The following UNC5B variants were observed in gnomAD, a reference collection of about 807,000 sequenced individuals.
UNC5B encodes unc-5 netrin receptor B.
In UNC5B, 56 loss-of-function variants were observed where a neutral mutation model predicts 103.7. That is an observed-to-expected ratio of 0.54 (90% CI 0.44 to 0.67). The LOEUF (loss-of-function observed/expected upper bound fraction) is 0.67. Among genes scored for constraint, UNC5B ranks in the 30% least tolerant of loss-of-function variants. The pLI is 0.00. For missense variants in UNC5B, 1,194 were observed against 1,284.5 expected, an observed-to-expected ratio of 0.93 and a Z score of 1.08; for synonymous variants, 577 against 542.0, an observed-to-expected ratio of 1.06 and a Z score of -0.90.
intron 1 of UNC5B, among the ~76,000 whole-genome samples, chr10:71,271,210 C>T (rs1262144699): frequency 6.6e-6 from 1 of 152,352 alleles, no homozygotes; most frequent in African/African-American, 2.4e-5. Context: ...GTTTTGGTGG[C>T]TGTGACCTCG....
intron 1 of UNC5B, among the ~76,000 whole-genome samples, chr10:71,279,480 TG>T (rs1417177113): frequency 1.3e-5 from 2 of 152,090 alleles, no homozygotes; most frequent in African/African-American, 4.8e-5. Context: ...GCAGACGTTG[TG>T]GGGGGGCCCA....
chr10:71,246,271 AGGAGGCAT>A (rs1844033592), intron 1 of UNC5B, among the ~76,000 whole-genome samples: 1 of 152,124 alleles, frequency 6.6e-6, no homozygotes, highest in South Asian at 2.1e-4. Flanking sequence ...TATGACGCTG[AGGAGGCAT>A]GGAGGTCCCA....
intron 1 of UNC5B, among the ~76,000 whole-genome samples, chr10:71,244,816 C>T (rs562150489): frequency 7.9e-5 from 12 of 152,328 alleles, no homozygotes; most frequent in South Asian, 6.2e-4. Flanking sequence ...AACTGGTTGG[C>T]GGCGGGGGCG....
intron 4 of UNC5B, 75 bp from the exon 5 acceptor site, chr10:71,286,614 G>A: frequency 6.4e-7 from 1 of 1,574,162 alleles, no homozygotes; most frequent in South Asian, 1.2e-5. Flanking sequence ...GTGGACCCAG[G>A]TAGAACTGCC....
At chr10:71,227,209 T>C (rs1843583102) in intron 1 of UNC5B, among the ~76,000 whole-genome samples, 2 of 152,170 alleles carry the variant, frequency 1.3e-5, no homozygotes, top group South Asian at 2.1e-4. Flanking sequence ...GGTCTCGAAC[T>C]CCTGACCTCA....
At chr10:71,294,721 A>G (rs1233486334) in intron 13 of UNC5B, among the ~76,000 whole-genome samples, 1 of 151,444 alleles carries the variant, frequency 6.6e-6, no homozygotes, top group African/African-American at 2.4e-5. Context: ...CGGTGCCCCA[A>G]GTGAAGGAAG....
chr10:71,251,554 A>T (rs180889689), intron 1 of UNC5B, among the ~76,000 whole-genome samples: 2 of 152,206 alleles, frequency 1.3e-5, no homozygotes, highest in African/African-American at 2.4e-5. Flanking sequence ...ATCATGTGCC[A>T]TTGTGTCAGG....
At chr10:71,287,260 G>A (rs929104018) in intron 5 of UNC5B, among the ~76,000 whole-genome samples, 1 of 152,184 alleles carries the variant, frequency 6.6e-6, no homozygotes, top group African/African-American at 2.4e-5. Flanking sequence ...ACTTGACAGA[G>A]TTTTAGAAAG....
chr10:71,293,435 G>T lies in UNC5B; in HGVS notation c.1803G>T (p.Leu601Phe), dbSNP rs1168139405. The T allele has an allele frequency of 6.2e-7, 1 of 1,613,866 alleles. No homozygotes were observed. Among genetic ancestry groups the T allele is most frequent in the East Asian group, 2.2e-5 (1 of 44,864 alleles). The change falls in exon 12 of 17, where the codon TTG becomes TTT. Residue 601 changes from leucine to phenylalanine, a missense_variant. Coordinates refer to ENST00000335350, the MANE Select transcript of UNC5B (RefSeq NM_170744.5). ...LPLSEGTQTVLSPSVTCGPTG... is the reference protein window; with the variant it reads ...LPLSEGTQTVFSPSVTCGPTG... ...TTTCAGAAGGGACCCAGACAGTATT[G>T]AGCCCCTCGGTGACCTGTGGACCCA... is the stretch of plus-strand genomic sequence containing the variant.
chr10:71,236,212 G>A (rs1843772139), intron 1 of UNC5B, among the ~76,000 whole-genome samples: 1 of 152,230 alleles, frequency 6.6e-6, no homozygotes, highest in African/African-American at 2.4e-5. Context: ...GTATGAGTAT[G>A]TCCAGCCCTT....
intron 1 of UNC5B, among the ~76,000 whole-genome samples, chr10:71,278,837 A>C (rs1469902422): frequency 6.6e-6 from 1 of 152,206 alleles, no homozygotes; most frequent in East Asian, 1.9e-4. Flanking sequence ...ACAAGCCCCC[A>C]ACGGCTTGTG....
In UNC5B at chr10:71,231,112, C is replaced by T. The variant is rs74145369; in HGVS notation, c.79+18048C>T. ...GTTGGACTAGTGAACCATAGGATTC[C>T]TTATATGAAAGCTATATAAGCTGTG... On this transcript the variant is annotated intron_variant, in intron 1 of 16. Coordinates refer to ENST00000335350, the MANE Select transcript of UNC5B (RefSeq NM_170744.5). Among the ~76,000 whole-genome samples, 461 of 152,304 alleles carry T rather than the reference C, an allele frequency of 3.0e-3. 1 individual carries two copies. The highest frequency in any genetic ancestry group is 0.011 in the African/African-American group (448 of 41,570).
chr10:71,271,770 A>C (rs759609730), intron 1 of UNC5B, among the ~76,000 whole-genome samples: 1 of 152,210 alleles, frequency 6.6e-6, no homozygotes, highest in Non-Finnish European at 1.5e-5. Flanking sequence ...CACCCCCTTC[A>C]GGATGCAGGC....
Position 71,255,006 on chromosome 10 carries a change from C to T in UNC5B, c.80-24815C>T, listed in dbSNP as rs542217605. 2.6e-5 allele frequency among the ~76,000 whole-genome samples: 4 copies of T among 152,346 alleles called. No individual in the cohort carries two copies. The South Asian group carries it at 8.3e-4, about 32-fold the overall frequency. Reference sequence around the variant, plus strand: ...ATATTCGTGTGTTTCCTTTCAGGCTCATGCCCAGGTTTGTTTTATGATGTC... The same window carrying T: ...ATATTCGTGTGTTTCCTTTCAGGCTTATGCCCAGGTTTGTTTTATGATGTC... On this transcript the variant is annotated intron_variant, in intron 1 of 16. Transcript: ENST00000335350.
rs539344102 is a variant in UNC5B, at chr10:71,241,979, A to C, written c.79+28915A>C. ...CAGAAGGAGGTGAGACTTGCCTAGCAGTCCCTGGCTGCCAGTGAGATGCCC... is the reference window on the plus strand; with the variant it reads ...CAGAAGGAGGTGAGACTTGCCTAGCCGTCCCTGGCTGCCAGTGAGATGCCC... On this transcript the variant is annotated intron_variant, in intron 1 of 16. Transcript: ENST00000335350. 6.0e-4 allele frequency among the ~76,000 whole-genome samples: 91 copies of C among 152,268 alleles called. 1 individual carries two copies. In the South Asian group the frequency reaches 0.018, roughly 31 times the overall value.
intron 1 of UNC5B, among the ~76,000 whole-genome samples, chr10:71,276,761 G>A (rs1844781620): frequency 1.3e-5 from 2 of 152,204 alleles, no homozygotes; most frequent in Admixed American, 1.3e-4. Context: ...TGCATTCACT[G>A]TGCACCTGCT....
chr10:71,251,702 G>A (rs761946082), intron 1 of UNC5B, among the ~76,000 whole-genome samples: 2 of 152,152 alleles, frequency 1.3e-5, no homozygotes, highest in South Asian at 4.2e-4. Context: ...GGGTCTTCTC[G>A]GTCCATATCT....
intron 1 of UNC5B, among the ~76,000 whole-genome samples, chr10:71,218,654 A>G (rs1236810949): frequency 2.0e-5 from 3 of 152,202 alleles, no homozygotes; most frequent in Non-Finnish European, 2.9e-5. Context: ...AGCTTGGGCT[A>G]CTGCCCCCAG....
At chr10:71,260,918 G>A (rs892917256) in intron 1 of UNC5B, among the ~76,000 whole-genome samples, 1 of 152,214 alleles carries the variant, frequency 6.6e-6, no homozygotes, top group Admixed American at 6.5e-5. Flanking sequence ...CTGCTGTTGC[G>A]CTGGGACACC....
Sources: allele counts gnomAD v4.1 joint callset (sites outside exome capture counted in the v4.1 genomes callset), GRCh38; gene constraint gnomAD v4.1.1; transcripts MANE v1.5; gene names NCBI Gene and HGNC (gene_info 2026-07-23, HGNC 2026-07-21).